The following SLC16A10 variants were observed in gnomAD, a reference collection of about 807,000 sequenced individuals.
SLC16A10 encodes solute carrier family 16 member 10.
Under a neutral mutation model 40.0 loss-of-function variants are expected in SLC16A10, and 27 were observed. The observed-to-expected ratio is 0.67, with a 90% CI of 0.50 to 0.93. The LOEUF is 0.93. SLC16A10 is among the 40% of genes least tolerant of loss of function. SLC16A10 has a pLI of 0.00. For synonymous variants in SLC16A10, 213 were observed against 249.8 expected, an observed-to-expected ratio of 0.85 and a Z score of 1.39; for missense variants, 529 against 658.2, an observed-to-expected ratio of 0.80 and a Z score of 2.15.
chr6:111,115,918 G>T (rs541930412), intron 1 of SLC16A10, among the ~76,000 whole-genome samples: 1 of 152,136 alleles, frequency 6.6e-6, no homozygotes, highest in African/African-American at 2.4e-5. Flanking sequence ...AGGACTGAAG[G>T]GGTGTTTGTT....
intron 3 of SLC16A10, among the ~76,000 whole-genome samples, chr6:111,199,644 C>A (rs1331299261): frequency 6.6e-6 from 1 of 151,984 alleles, no homozygotes. Context: ...GATTTATTTT[C>A]TATTTTAAGA....
chr6:111,177,518 T>C lies in SLC16A10; in HGVS notation c.795T>C (p.Gly265=), dbSNP rs1424251863. 1.9e-6 allele frequency: 3 copies of C among 1,613,760 alleles called. No homozygotes were observed. In the African/African-American group the frequency reaches 4.0e-5, roughly 22 times the overall value. The part of the protein sequence containing the change: ...ATSTKDKESG[G]SGSSLFSRKK... ...GTACCAAAGATAAAGAGAGTGGAGG[T>C]AGCGGATCCTCCCTCTTTTCCAGGA... Residue 265 remains glycine, a synonymous_variant, in exon 3 of 6, where the codon GGT becomes GGC. Transcript: ENST00000368851.
intron 1 of SLC16A10, among the ~76,000 whole-genome samples, chr6:111,089,204 A>G (rs1770929676): frequency 6.6e-6 from 1 of 152,192 alleles, no homozygotes; most frequent in African/African-American, 2.4e-5. Context: ...AAATTCTGAG[A>G]CAAAGGTAAT....
intron 1 of SLC16A10, among the ~76,000 whole-genome samples, chr6:111,096,463 C>G (rs1485546989): frequency 6.6e-6 from 1 of 151,216 alleles, no homozygotes; most frequent in African/African-American, 2.5e-5. Context: ...ACAGGAAACT[C>G]CAGCACACCT....
In SLC16A10 at chr6:111,087,859, C is replaced by G. The variant is rs1267407522; in HGVS notation, c.107C>G (p.Ser36Trp). 6.9e-7 allele frequency: 1 copy of G among 1,457,562 alleles called. No individual in the cohort carries two copies. Among genetic ancestry groups the G allele is most frequent in the African/African-American group, 1.5e-5 (1 of 66,724 alleles). 90.3% of individuals were successfully genotyped at this position (1,457,562 alleles called of 1,614,324 possible). Residue 36 changes from serine to tryptophan, a missense_variant, in exon 1 of 6, where the codon TCG becomes TGG. By Grantham distance (177) the Ser-to-Trp change is radical. Transcript: ENST00000368851. Reference sequence around the variant, plus strand: ...GCTCCGCCGCCCGGCCCGGGACCCTCGGACAGCCCCGAGGCGGCTGTCGAG... The same window carrying G: ...GCTCCGCCGCCCGGCCCGGGACCCTGGGACAGCCCCGAGGCGGCTGTCGAG... The part of the protein sequence containing the change: ...GAAPPPGPGP[S>W]DSPEAAVEKV...
At chr6:111,193,209 C>G (rs1773025736) in intron 3 of SLC16A10, 2 of 836,894 alleles carry the variant, frequency 2.4e-6, no homozygotes, top group African/African-American at 1.8e-5. Flanking sequence ...TTTGTCCCTA[C>G]TTTTTCTCAG....
intron 4 of SLC16A10, among the ~76,000 whole-genome samples, chr6:111,217,385 A>G (rs558081309): frequency 6.6e-6 from 1 of 152,358 alleles, no homozygotes; most frequent in South Asian, 2.1e-4. Context: ...ATACTTTTAA[A>G]AAACTTGATG....
chr6:111,109,701 C>T (rs2114455540), intron 1 of SLC16A10, among the ~76,000 whole-genome samples: 1 of 152,240 alleles, frequency 6.6e-6, no homozygotes, highest in East Asian at 1.9e-4. Flanking sequence ...ATCCTTCTGC[C>T]TTGGCCCCTC....
At chr6:111,213,164 A>G (rs1396073385) in intron 4 of SLC16A10, among the ~76,000 whole-genome samples, 1 of 152,180 alleles carries the variant, frequency 6.6e-6, no homozygotes, top group African/African-American at 2.4e-5. Context: ...TGTGACATGG[A>G]CATATTGAAG....
At chr6:111,178,732 G>T (rs1772737267) in intron 3 of SLC16A10, 2 of 201,704 alleles carry the variant, frequency 9.9e-6, no homozygotes, top group Non-Finnish European at 2.0e-5. Context: ...TGTGAACTTG[G>T]ATTTTTTTCT....
At chr6:111,206,922 G>A (rs905259879) in intron 4 of SLC16A10, among the ~76,000 whole-genome samples, 187 bp downstream of exon 4, 9 of 151,992 alleles carry the variant, frequency 5.9e-5, no homozygotes, top group Non-Finnish European at 7.4e-5. Flanking sequence ...TCCACCTCCC[G>A]GGTTCAAGGG....
intron 3 of SLC16A10, among the ~76,000 whole-genome samples, chr6:111,188,335 ATGCAGAATGCTTTGCTACTT>A (rs1180105484): frequency 6.8e-6 from 1 of 148,004 alleles, no homozygotes; most frequent in Non-Finnish European, 1.5e-5. Flanking sequence ...TTTCTTAACT[ATGCAGAATGCTTTGCTACTT>A]TGCACAATGC....
chr6:111,199,477 G>A (rs111258988), intron 3 of SLC16A10, among the ~76,000 whole-genome samples: 5 of 149,998 alleles, frequency 3.3e-5, no homozygotes, highest in East Asian at 1.9e-4. Flanking sequence ...AAAAAAAATC[G>A]AATGTAGGTG....
At chr6:111,152,789 A>G (rs927506611) in intron 1 of SLC16A10, among the ~76,000 whole-genome samples, 2 of 152,222 alleles carry the variant, frequency 1.3e-5, no homozygotes, top group Non-Finnish European at 2.9e-5. Flanking sequence ...GAGGTCAACT[A>G]TTACATATCC....
chr6:111,181,240 GAAGT>G (rs1483372849), intron 3 of SLC16A10, among the ~76,000 whole-genome samples: 2 of 150,370 alleles, frequency 1.3e-5, no homozygotes, highest in Admixed American at 6.6e-5. Flanking sequence ...AAAAAGTTCT[GAAGT>G]AAGACAGATC....
intron 1 of SLC16A10, among the ~76,000 whole-genome samples, chr6:111,089,010 AAC>A (rs1162632567): frequency 1.3e-5 from 2 of 152,154 alleles, no homozygotes; most frequent in African/African-American, 4.8e-5. Context: ...ATGGCAATAA[AAC>A]ACATATCAAC....
At chr6:111,125,589 A>T (rs1467747338) in intron 1 of SLC16A10, among the ~76,000 whole-genome samples, 3 of 152,202 alleles carry the variant, frequency 2.0e-5, no homozygotes, top group African/African-American at 7.2e-5. Flanking sequence ...GAATAGAGGC[A>T]TGTAATTTTT....
intron 3 of SLC16A10, among the ~76,000 whole-genome samples, chr6:111,201,811 G>A (rs1225097367): frequency 6.6e-6 from 1 of 152,202 alleles, no homozygotes; most frequent in African/African-American, 2.4e-5. Context: ...GTGATTTGGG[G>A]TTCCCTTCTG....
intron 3 of SLC16A10, among the ~76,000 whole-genome samples, chr6:111,180,461 A>G (rs1479245652): frequency 2.0e-5 from 3 of 152,234 alleles, no homozygotes; most frequent in Middle Eastern, 3.2e-3. Flanking sequence ...GGGTGGAAGG[A>G]TCGCATGAGC....
Sources: allele counts gnomAD v4.1 joint callset (sites outside exome capture counted in the v4.1 genomes callset), GRCh38; gene constraint gnomAD v4.1.1; transcripts MANE v1.5; gene names NCBI Gene and HGNC (gene_info 2026-07-23, HGNC 2026-07-21).